The following ST6GALNAC3 variants were observed in gnomAD, a reference collection of about 807,000 sequenced individuals.
ST6GALNAC3 encodes the protein alpha-N-acetylgalactosaminide alpha-2,6-sialyltransferase 3.
In ST6GALNAC3, 25 loss-of-function variants were observed where a neutral mutation model predicts 32.7. That is an observed-to-expected ratio of 0.76 (90% confidence interval 0.56 to 1.07). ST6GALNAC3 has a LOEUF of 1.07. ST6GALNAC3 is among the 50% of genes least tolerant of loss of function. ST6GALNAC3 has a pLI of 0.00. For synonymous variants in ST6GALNAC3, 129 were observed against 133.1 expected (o/e 0.97, Z 0.21); for missense variants, 355 against 382.4 (o/e 0.93, Z 0.60).
chr1:76,441,576 G>T (rs1305732440), intron 3 of ST6GALNAC3, among the ~76,000 whole-genome samples: 1 of 152,158 alleles, frequency 6.6e-6, no homozygotes, highest in Non-Finnish European at 1.5e-5. Flanking sequence ...ACAGCATGAT[G>T]AATAGGGTAT....
At chr1:76,607,855 C>T (rs1192958540) in intron 3 of ST6GALNAC3, among the ~76,000 whole-genome samples, 1 of 152,148 alleles carries the variant, frequency 6.6e-6, no homozygotes, top group Admixed American at 6.6e-5. Context: ...CTGATTCTGA[C>T]TCAGCAGTCC....
chr1:76,570,052 GA>G (rs1258272479), intron 3 of ST6GALNAC3, among the ~76,000 whole-genome samples: 1 of 152,060 alleles, frequency 6.6e-6, no homozygotes, highest in Admixed American at 6.6e-5. Flanking sequence ...TTTCTGTAAT[GA>G]AGCAGCGAAG....
intron 2 of ST6GALNAC3, among the ~76,000 whole-genome samples, chr1:76,408,647 A>G (rs1654002866): frequency 6.6e-6 from 1 of 152,074 alleles, no homozygotes; most frequent in Admixed American, 6.6e-5. Flanking sequence ...TGCTGGTCTC[A>G]CTTAATTCTA....
chr1:76,492,766 G>A (rs547635812), intron 3 of ST6GALNAC3, among the ~76,000 whole-genome samples: 4 of 152,292 alleles, frequency 2.6e-5, no homozygotes, highest in Non-Finnish European at 4.4e-5. Flanking sequence ...GGAGAACAGG[G>A]TTAAATAAAT....
chr1:76,127,350 T>C lies in ST6GALNAC3; in HGVS notation c.18+52466T>C, dbSNP rs762091747. Among the ~76,000 whole-genome samples, 39 of 152,292 alleles carry C rather than the reference T, an allele frequency of 2.6e-4. 1 individual carries two copies. Among genetic ancestry groups the C allele is most frequent in the South Asian group, 1.2e-3 (6 of 4,832 alleles). Reference sequence around the variant, plus strand: ...TACTGTGTCTACTTTGGCTTAAAGATATAAATTTCCTGCTCTCTCATAACA... The same window carrying C: ...TACTGTGTCTACTTTGGCTTAAAGACATAAATTTCCTGCTCTCTCATAACA... On this transcript the variant is annotated intron_variant, in intron 1 of 4. Coordinates refer to ENST00000328299, the MANE Select transcript of ST6GALNAC3 (RefSeq NM_152996.4).
At chr1:76,482,139 T>TACACACACACACACAC (rs368648490) in intron 3 of ST6GALNAC3, among the ~76,000 whole-genome samples, 29 of 147,022 alleles carry the variant, frequency 2.0e-4, no homozygotes, top group South Asian at 4.4e-4. Flanking sequence ...AAATTTTCTT[T>TACACACACACACACAC]ACACACACAC....
chr1:76,126,890 G>T (rs1649292063), intron 1 of ST6GALNAC3, among the ~76,000 whole-genome samples: 1 of 152,178 alleles, frequency 6.6e-6, no homozygotes, highest in African/African-American at 2.4e-5. Flanking sequence ...TCCCACCAGG[G>T]TCGTTGATAA....
intron 3 of ST6GALNAC3, among the ~76,000 whole-genome samples, chr1:76,536,654 C>CAAAAAAAAAAAAAA (rs35157329): frequency 1.7e-5 from 1 of 57,614 alleles, no homozygotes; most frequent in Non-Finnish European, 3.2e-5. Flanking sequence ...AAATGGAAAG[C>CAAAAAAAAAAAAAA]AAAAAAAAAA....
At chr1:76,153,141 CA>C (rs1215833639) in intron 1 of ST6GALNAC3, among the ~76,000 whole-genome samples, 1 of 152,120 alleles carries the variant, frequency 6.6e-6, no homozygotes, top group Admixed American at 6.5e-5. Flanking sequence ...ATGGATATGT[CA>C]TGCTTTTTCA....
At chr1:76,316,026 T>A (rs2100904499) in intron 2 of ST6GALNAC3, among the ~76,000 whole-genome samples, 1 of 152,064 alleles carries the variant, frequency 6.6e-6, no homozygotes, top group East Asian at 1.9e-4. Flanking sequence ...AATCATGGTT[T>A]TACAAATTAA....
intron 1 of ST6GALNAC3, among the ~76,000 whole-genome samples, chr1:76,214,407 A>C (rs191878203): frequency 6.6e-6 from 1 of 150,978 alleles, no homozygotes; most frequent in Non-Finnish European, 1.5e-5. Flanking sequence ...TTGAAAAAAA[A>C]TTTTTTTTTT....
intron 2 of ST6GALNAC3, among the ~76,000 whole-genome samples, chr1:76,378,702 G>A (rs1038971669): frequency 2.0e-5 from 3 of 151,662 alleles, no homozygotes; most frequent in African/African-American, 7.3e-5. Flanking sequence ...TTTTTTTAGT[G>A]TTTTTGTACA....
intron 3 of ST6GALNAC3, among the ~76,000 whole-genome samples, chr1:76,572,181 T>G (rs988665683): frequency 1.3e-5 from 2 of 152,082 alleles, no homozygotes; most frequent in Admixed American, 6.6e-5. Context: ...CTTTATATTC[T>G]TTACATGAAC....
rs148570513 is a variant in ST6GALNAC3, at chr1:76,557,753, T to G, written c.624-69699T>G. ...ATAGGCTGGAAACTAACCCTTCCAC[T>G]CCTATGAATAGCCTTTGCATCCCAT... On this transcript the variant is annotated intron_variant, in intron 3 of 4. Transcript: ENST00000328299. 5.9e-3 allele frequency among the ~76,000 whole-genome samples: 899 copies of G among 152,180 alleles called. 9 individuals carry two copies. The highest frequency in any genetic ancestry group is 0.021 in the African/African-American group (857 of 41,544).
At chr1:76,323,097 T>C (rs1647000408) in intron 2 of ST6GALNAC3, among the ~76,000 whole-genome samples, 2 of 152,208 alleles carry the variant, frequency 1.3e-5, no homozygotes, top group South Asian at 4.1e-4. Flanking sequence ...TGCTCTGTTG[T>C]CTTCTTCAAA....
intron 1 of ST6GALNAC3, among the ~76,000 whole-genome samples, chr1:76,214,254 G>A (rs1381524184): frequency 6.6e-6 from 1 of 152,128 alleles, no homozygotes; most frequent in African/African-American, 2.4e-5. Context: ...TGAGTTAGTG[G>A]TTGCCATACT....
At chr1:76,086,597 T>C (rs1192363771) in intron 1 of ST6GALNAC3, among the ~76,000 whole-genome samples, 1 of 152,184 alleles carries the variant, frequency 6.6e-6, no homozygotes, top group Non-Finnish European at 1.5e-5. Flanking sequence ...CCCTTCCCAA[T>C]ACAGGTGTTG....
chr1:76,552,067 A>T (rs2100367597), intron 3 of ST6GALNAC3, among the ~76,000 whole-genome samples: 1 of 152,312 alleles, frequency 6.6e-6, no homozygotes, highest in Non-Finnish European at 1.5e-5. Context: ...CCCTAGGGCA[A>T]GATGCAGTGT....
At chr1:76,180,947 AG>A (rs1557677490) in intron 1 of ST6GALNAC3, among the ~76,000 whole-genome samples, 1 of 152,228 alleles carries the variant, frequency 6.6e-6, no homozygotes, top group Non-Finnish European at 1.5e-5. Context: ...CCTTGCAAAA[AG>A]GCAGAGGGTC....
Sources: allele counts gnomAD v4.1 joint callset (sites outside exome capture counted in the v4.1 genomes callset), GRCh38; gene constraint gnomAD v4.1.1; transcripts MANE v1.5; gene names NCBI Gene and HGNC (gene_info 2026-07-23, HGNC 2026-07-21).